WDR1: variants seen among roughly 807,000 people sequenced by gnomAD.
WDR1 encodes WD repeat domain 1.
Under a neutral mutation model 71.9 loss-of-function variants are expected in WDR1, and 21 were observed. The observed-to-expected ratio is 0.29, with a 90% CI of 0.21 to 0.42. WDR1 has a LOEUF of 0.42. Ranked by LOEUF, WDR1 falls within the 10% of genes least tolerant of loss-of-function variation. WDR1 has a pLI of 1.00. For synonymous variants in WDR1, 424 were observed against 347.4 expected (o/e 1.22, Z -2.45); for missense variants, 696 against 824.5 (o/e 0.84, Z 1.91).
intron 8 of WDR1, among the ~76,000 whole-genome samples, chr4:10,084,880 C>T (rs749611884): frequency 3.3e-5 from 5 of 152,356 alleles, no homozygotes; most frequent in Admixed American, 1.3e-4. Context: ...CCCCGCCGAC[C>T]AGCACCCGTC....
chr4:10,097,824 T>C lies in WDR1; in HGVS notation c.445A>G (p.Ile149Val). 6.2e-7 allele frequency: 1 copy of C among 1,612,550 alleles called. No homozygotes were observed. The highest frequency in any genetic ancestry group is 8.5e-7 in the Non-Finnish European group (1 of 1,179,684). The change falls in exon 5 of 15, where the codon ATC becomes GTC. Residue 149 changes from isoleucine to valine, a missense_variant. By Grantham distance (29) the Ile-to-Val change is conservative. Transcript: ENST00000499869. ...CTCTGCTTGATGTCCACGCTGTTGA[T>C]GACTTTGTTGTGTCCTGTAATCTCG... is the stretch of plus-strand genomic sequence containing the variant. ...VGEITGHNKV[I>V]NSVDIKQSRP...
intron 11 of WDR1, 70 bp downstream of exon 11, chr4:10,081,285 CAT>C: frequency 6.8e-7 from 1 of 1,467,482 alleles, no homozygotes; most frequent in Non-Finnish European, 9.5e-7. Context: ...TCAAACGGGA[CAT>C]GAGTCAAATT....
chr4:10,088,777 G>T lies in WDR1; in HGVS notation c.559-36C>A, dbSNP rs377307570. The T allele has an allele frequency of 2.0e-6, 3 of 1,500,900 alleles. No homozygotes were observed. In the Admixed American group the frequency reaches 5.8e-5, roughly 29 times the overall value. The allele number at this position is 1,500,900 out of a possible 1,614,324, so 93.0% of individuals were successfully genotyped here. ...ACAATTACCTGCCTGATGAGGGGCC[G>T]CAGGCCTGACTCTAGGTTCAAGAAT... On this transcript the variant is annotated intron_variant, in intron 5 of 14. Coordinates refer to ENST00000499869, the MANE Select transcript of WDR1 (RefSeq NM_017491.5).
intron 5 of WDR1, 98 bp from the exon 6 acceptor site, chr4:10,088,839 C>A: frequency 2.1e-6 from 2 of 947,204 alleles, no homozygotes; most frequent in South Asian, 1.4e-5. Flanking sequence ...TCCAGCTGTT[C>A]ATCAGTGTGA....
intron 2 of WDR1, 113 bp downstream of exon 2, chr4:10,116,000 C>T (rs1049747654): frequency 7.0e-7 from 1 of 1,424,962 alleles, no homozygotes; most frequent in East Asian, 2.5e-5. Context: ...GGGCGTGGCG[C>T]CCTCACCCTC....
chr4:10,099,399 G>T (rs1712555419), intron 3 of WDR1, among the ~76,000 whole-genome samples: 1 of 152,236 alleles, frequency 6.6e-6, no homozygotes, highest in South Asian at 2.1e-4. Flanking sequence ...CAGAAATCTT[G>T]CCAGAAATCA....
At chr4:10,089,120 G>A (rs1026024728) in intron 5 of WDR1, among the ~76,000 whole-genome samples, 2 of 152,168 alleles carry the variant, frequency 1.3e-5, no homozygotes, top group Non-Finnish European at 2.9e-5. Flanking sequence ...GCCTCTTCCT[G>A]GAGGCACCAG....
At chr4:10,096,990 C>G (rs1712385199) in intron 5 of WDR1, among the ~76,000 whole-genome samples, 1 of 152,236 alleles carries the variant, frequency 6.6e-6, no homozygotes, top group Non-Finnish European at 1.5e-5. Flanking sequence ...CTCACTCCTA[C>G]AAAGCTGGGG....
In WDR1 at chr4:10,104,474, C is replaced by T. The variant is rs528768718; in HGVS notation, c.139-488G>A. On this transcript the variant is annotated intron_variant, in intron 2 of 14. Transcript: ENST00000499869. The stretch of plus-strand genomic sequence containing the variant: ...TGCTGTGCAGGAGCAGAGCAGGACA[C>T]GCTGTGGGAGCCCTCTCTATCAAAA... Among the ~76,000 whole-genome samples, 85 of 152,288 alleles carry T rather than the reference C, an allele frequency of 5.6e-4. 1 individual carries two copies. The South Asian group carries it at 0.015, about 27-fold the overall frequency.
intron 1 of WDR1, 49 bp from the exon 2 acceptor site, chr4:10,116,283 G>A: frequency 3.7e-6 from 6 of 1,610,974 alleles, no homozygotes; most frequent in Non-Finnish European, 5.1e-6. Flanking sequence ...GGCGGGGACG[G>A]CGGGGACAGA....
At chr4:10,106,651 C>T (rs557415091) in intron 2 of WDR1, 7 of 152,246 alleles carry the variant, frequency 4.6e-5, no homozygotes, top group Non-Finnish European at 1.0e-4. Context: ...CCTAAAAATT[C>T]CTTCCCCTAA....
chr4:10,100,535 C>T (rs888062011), intron 3 of WDR1, among the ~76,000 whole-genome samples: 9 of 152,252 alleles, frequency 5.9e-5, no homozygotes, highest in Admixed American at 5.9e-4. Context: ...ACTGAGCCAT[C>T]CTCTGAGATG....
intron 8 of WDR1, among the ~76,000 whole-genome samples, chr4:10,084,869 A>G (rs929437366): frequency 6.6e-6 from 1 of 152,198 alleles, no homozygotes; most frequent in East Asian, 1.9e-4. Flanking sequence ...CGTGGCCTGC[A>G]CCCCGCCGAC....
chr4:10,108,212 TCTTA>T (rs1291637802), intron 2 of WDR1: 1 of 152,126 alleles, frequency 6.6e-6, no homozygotes, highest in East Asian at 1.9e-4. Flanking sequence ...CTCAAAGCTC[TCTTA>T]CTTTCCTATG....
chr4:10,116,361 C>G (rs765055892), intron 1 of WDR1, 127 bp from the exon 2 acceptor site: 2 of 1,398,078 alleles, frequency 1.4e-6, no homozygotes, highest in South Asian at 1.3e-5. Flanking sequence ...GCGGCCTCCA[C>G]TTTCCACGAG....
rs1195483363 is a variant in WDR1, at chr4:10,074,863, GC to G, written c.*514del. 1 of 156,128 alleles carries G rather than the reference GC, an allele frequency of 6.4e-6. No homozygotes were observed. Among genetic ancestry groups the G allele is most frequent in the Non-Finnish European group, 1.4e-5 (1 of 70,806 alleles). The allele number at this position is 156,128 out of a possible 1,614,324, so 9.7% of individuals were successfully genotyped here. A position where few individuals can be genotyped will look rare whatever the true frequency, so the allele number is the denominator to read the frequency against. On this transcript the variant is annotated 3_prime_UTR_variant, in exon 15 of 15. Transcript: ENST00000499869. Reference sequence around the variant, plus strand: ...CTGATCTGGAGGTGGCGCTCTGAAGGCAGCCACAAGGTGTGAGTCACACACT... The same window carrying G: ...CTGATCTGGAGGTGGCGCTCTGAAGGAGCCACAAGGTGTGAGTCACACACT...
At chr4:10,093,204 C>G in intron 5 of WDR1, 6 of 1,233,256 alleles carry the variant, frequency 4.9e-6, no homozygotes, top group Non-Finnish European at 5.3e-6. Context: ...TGGGAGCCCA[C>G]CCCATTCCCC....
At chr4:10,101,062 G>A (rs1273496650) in intron 3 of WDR1, among the ~76,000 whole-genome samples, 3 of 152,260 alleles carry the variant, frequency 2.0e-5, no homozygotes, top group East Asian at 1.9e-4. Flanking sequence ...CAAACCACAC[G>A]CCTGTCACAT....
rs1192513556 is a variant in WDR1, at chr4:10,074,750, AAAAAAAG to A, written c.*621_*627del. 1 of 152,488 alleles carries A rather than the reference AAAAAAAG, an allele frequency of 6.6e-6. No homozygotes were observed. The highest frequency in any genetic ancestry group is 1.5e-5 in the Non-Finnish European group (1 of 68,058). 9.4% of individuals were successfully genotyped at this position (152,488 alleles called of 1,614,324 possible). The stretch of plus-strand genomic sequence containing the variant: ...ACAGGCAACAGTTAAGATACATTAA[AAAAAAAG>A]GAAAGATACCCACAATTCCATTCTT... On this transcript the variant is annotated 3_prime_UTR_variant, in exon 15 of 15. Transcript: ENST00000499869.
Sources: allele counts gnomAD v4.1 joint callset (sites outside exome capture counted in the v4.1 genomes callset), GRCh38; gene constraint gnomAD v4.1.1; transcripts MANE v1.5; gene names NCBI Gene and HGNC (gene_info 2026-07-23, HGNC 2026-07-21).